Variants in FCHSD2 observed in about 807,000 individuals in gnomAD.
FCHSD2 encodes the protein F-BAR and double SH3 domains protein 2.
FCHSD2 carries 38 observed loss-of-function variants against 108.1 expected under a neutral mutation model. The observed-to-expected ratio is 0.35, with a 90% confidence interval of 0.27 to 0.46. FCHSD2 has a LOEUF of 0.46. Ranked by LOEUF, FCHSD2 falls within the 20% of genes least tolerant of loss-of-function variation. The pLI, the probability that FCHSD2 is intolerant of heterozygous loss-of-function variation, is 1.00. For synonymous variants in FCHSD2, 279 were observed against 314.7 expected, an observed-to-expected ratio of 0.89 and a Z score of 1.20; for missense variants, 751 against 897.8, an observed-to-expected ratio of 0.84 and a Z score of 2.09.
intron 8 of FCHSD2, among the ~76,000 whole-genome samples, chr11:72,958,596 TA>T (rs1166076538): frequency 6.6e-6 from 1 of 152,138 alleles, no homozygotes; most frequent in Non-Finnish European, 1.5e-5. Flanking sequence ...CAAAATCTAA[TA>T]AGTGAGTATT....
chr11:72,962,897 TGAGTGACAGTATTACACAGTGGTTAA>T (rs1249289544), intron 8 of FCHSD2, among the ~76,000 whole-genome samples: 4 of 152,172 alleles, frequency 2.6e-5, no homozygotes, highest in African/African-American at 9.7e-5. Flanking sequence ...TGACTCTGGA[TGAGTGACAGTATTACACAGTGGTTAA>T]GAGAAGGCAC....
At position 73,010,937 on chromosome 11, in the gene FCHSD2, C is replaced by T. The variant is rs561866636; in HGVS notation, c.242+4872G>A. On this transcript the variant is annotated intron_variant, in intron 4 of 19. Coordinates refer to ENST00000409418, the MANE Select transcript of FCHSD2 (RefSeq NM_014824.3). ...GCAGTGGCAGTGATGGGATAATCTT[C>T]TGGGTCTTGAGCAGTGTATGCTGGT... is the stretch of plus-strand genomic sequence containing the variant. Among the ~76,000 whole-genome samples the T allele has an allele frequency of 7.9e-4, 120 of 152,208 alleles. 1 individual carries two copies. Among genetic ancestry groups the T allele is most frequent in the African/African-American group, 2.9e-3 (119 of 41,534 alleles).
chr11:73,061,251 C>T lies in FCHSD2; in HGVS notation c.165+22444G>A, dbSNP rs533810677. ...CCTACCCAGGGGAAGCCATGAGGGA[C>T]TGAGCCTGAAGAACTCTGGAACAGA... On this transcript the variant is annotated intron_variant, in intron 3 of 19. Coordinates refer to ENST00000409418, the MANE Select transcript of FCHSD2 (RefSeq NM_014824.3). 3.9e-5 allele frequency among the ~76,000 whole-genome samples: 6 copies of T among 152,326 alleles called. No homozygotes were observed. In the East Asian group the frequency reaches 1.2e-3, roughly 29 times the overall value.
At chr11:73,086,602 G>A (rs898827354) in intron 2 of FCHSD2, among the ~76,000 whole-genome samples, 1 of 152,098 alleles carries the variant, frequency 6.6e-6, no homozygotes, top group Non-Finnish European at 1.5e-5. Context: ...ACCAAAAGTT[G>A]GTTCTTCAGA....
At chr11:72,922,870 A>C (rs1272818560) in intron 8 of FCHSD2, among the ~76,000 whole-genome samples, 4 of 152,166 alleles carry the variant, frequency 2.6e-5, no homozygotes, top group Non-Finnish European at 5.9e-5. Context: ...AAGTTGTTTA[A>C]CAATTTCCAT....
chr11:73,043,575 A>G (rs1232748791), intron 3 of FCHSD2, among the ~76,000 whole-genome samples: 1 of 152,158 alleles, frequency 6.6e-6, no homozygotes, highest in African/African-American at 2.4e-5. Context: ...TTAGAAACCC[A>G]TTTTGGTACT....
intron 5 of FCHSD2, among the ~76,000 whole-genome samples, chr11:72,993,736 C>T (rs1233981834): frequency 7.1e-6 from 1 of 140,242 alleles, no homozygotes; most frequent in Non-Finnish European, 1.5e-5. Flanking sequence ...GGAAGGGGAA[C>T]ATCACACACT....
intron 2 of FCHSD2, among the ~76,000 whole-genome samples, chr11:73,134,276 G>A (rs1472224387): frequency 6.6e-6 from 1 of 152,008 alleles, no homozygotes; most frequent in East Asian, 1.9e-4. Flanking sequence ...TTCGAGACCA[G>A]CTGGGGCAAC....
At chr11:72,978,376 A>G (rs1038414526) in intron 8 of FCHSD2, among the ~76,000 whole-genome samples, 1 of 152,204 alleles carries the variant, frequency 6.6e-6, no homozygotes, top group African/African-American at 2.4e-5. Context: ...CTGAATAGAC[A>G]TTTCTCAAAA....
intron 8 of FCHSD2, among the ~76,000 whole-genome samples, chr11:72,927,915 A>C (rs966909016): frequency 6.6e-6 from 1 of 152,222 alleles, no homozygotes; most frequent in Non-Finnish European, 1.5e-5. Flanking sequence ...TTGAGCTCTG[A>C]AATCAGTTGG....
chr11:72,849,681 A>T, intron 14 of FCHSD2, 74 bp downstream of exon 14: 1 of 1,154,736 alleles, frequency 8.7e-7, no homozygotes, highest in South Asian at 1.3e-5. Context: ...AGCTTGAGAG[A>T]CTGGATGGAT....
intron 2 of FCHSD2, among the ~76,000 whole-genome samples, chr11:73,131,751 C>T (rs1861009145): frequency 6.6e-6 from 1 of 151,250 alleles, no homozygotes; most frequent in Admixed American, 6.6e-5. Context: ...ACACCATTAA[C>T]TGCAAGACAC....
At chr11:72,895,106 T>G (rs1243260629) in intron 10 of FCHSD2, among the ~76,000 whole-genome samples, 1 of 152,192 alleles carries the variant, frequency 6.6e-6, no homozygotes, top group African/African-American at 2.4e-5. Context: ...TATGCTAGGA[T>G]AGCAGAACCT....
At chr11:73,019,432 T>C (rs1858048243) in intron 3 of FCHSD2, among the ~76,000 whole-genome samples, 1 of 152,204 alleles carries the variant, frequency 6.6e-6, no homozygotes, top group African/African-American at 2.4e-5. Flanking sequence ...AAAGAAATCA[T>C]TTTAGAGTGG....
At chr11:72,898,728 A>T (rs1443404611) in intron 10 of FCHSD2, among the ~76,000 whole-genome samples, 3 of 137,818 alleles carry the variant, frequency 2.2e-5, no homozygotes, top group African/African-American at 5.4e-5. Context: ...TTTTCTTTCT[A>T]TTTTTTTTTT....
chr11:72,972,866 T>C (rs1857033110), intron 8 of FCHSD2, among the ~76,000 whole-genome samples: 1 of 152,182 alleles, frequency 6.6e-6, no homozygotes, highest in Admixed American at 6.5e-5. Flanking sequence ...CTTCCCGAGC[T>C]TCAAATGATA....
chr11:72,995,536 T>TA (rs201229145), intron 5 of FCHSD2, among the ~76,000 whole-genome samples: 127 of 149,928 alleles, frequency 8.5e-4, no homozygotes, highest in African/African-American at 3.0e-3. Flanking sequence ...ACCTCATCTC[T>TA]AAAAAAAAAG....
Position 72,838,655 on chromosome 11 carries a change from A to C in FCHSD2, c.*136T>G. 1.5e-6 allele frequency: 1 copy of C among 686,062 alleles called. No homozygotes were observed. Among genetic ancestry groups the C allele is most frequent in the Non-Finnish European group, 2.5e-6 (1 of 396,632 alleles). 42.5% of individuals were successfully genotyped at this position (686,062 alleles called of 1,614,324 possible). A position where few individuals can be genotyped will look rare whatever the true frequency, so the allele number is the denominator to read the frequency against. On this transcript the variant is annotated 3_prime_UTR_variant, in exon 20 of 20. Transcript: ENST00000409418. The stretch of plus-strand genomic sequence containing the variant: ...AAACGTGGGAGGAGTCTACCAGGCC[A>C]CCCAGTCACACATAATCCTCCTTGT...
intron 6 of FCHSD2, among the ~76,000 whole-genome samples, chr11:72,986,635 C>T (rs1414290479): frequency 6.6e-6 from 1 of 152,134 alleles, no homozygotes; most frequent in East Asian, 1.9e-4. Flanking sequence ...CCCAGTTCTC[C>T]TTTTTTTACA....
Sources: allele counts gnomAD v4.1 joint callset (sites outside exome capture counted in the v4.1 genomes callset), GRCh38; gene constraint gnomAD v4.1.1; transcripts MANE v1.5; gene names NCBI Gene and HGNC (gene_info 2026-07-23, HGNC 2026-07-21).